PPM1E: variants seen among roughly 807,000 people sequenced by gnomAD.
PPM1E encodes protein phosphatase, Mg2+/Mn2+ dependent 1E.
Under a neutral mutation model 65.9 loss-of-function variants are expected in PPM1E, and 20 were observed. The observed-to-expected ratio is 0.30, with a 90% CI of 0.21 to 0.44. The LOEUF (loss-of-function observed/expected upper bound fraction) is 0.44. Among genes scored for constraint, PPM1E ranks in the 20% least tolerant of loss-of-function variants. The pLI, the probability that PPM1E is intolerant of heterozygous loss-of-function variation, is 1.00. For missense variants in PPM1E, 713 were observed against 953.1 expected, an observed-to-expected ratio of 0.75 and a Z score of 3.32; for synonymous variants, 352 against 374.9, an observed-to-expected ratio of 0.94 and a Z score of 0.70.
At chr17:58,790,762 T>C (rs893315179) in intron 1 of PPM1E, among the ~76,000 whole-genome samples, 2 of 152,172 alleles carry the variant, frequency 1.3e-5, no homozygotes, top group African/African-American at 4.8e-5. Context: ...GAGTGACCCA[T>C]TGTGAACATC....
chr17:58,910,521 T>A (rs373047989), intron 1 of PPM1E, among the ~76,000 whole-genome samples: 1 of 152,046 alleles, frequency 6.6e-6, no homozygotes, highest in South Asian at 2.1e-4. Flanking sequence ...CTTTTCAAAA[T>A]TTTTTTTGCT....
chr17:58,888,579 G>A (rs1319870532), intron 1 of PPM1E, among the ~76,000 whole-genome samples: 2 of 151,892 alleles, frequency 1.3e-5, no homozygotes, highest in Admixed American at 6.6e-5. Flanking sequence ...GGCCAGGCTG[G>A]TCTCAAACTC....
At chr17:58,883,257 C>G (rs983663344) in intron 1 of PPM1E, among the ~76,000 whole-genome samples, 3 of 151,752 alleles carry the variant, frequency 2.0e-5, no homozygotes, top group Non-Finnish European at 1.5e-5. Context: ...CGCGCCCGGC[C>G]TGTTATTACA....
intron 2 of PPM1E, among the ~76,000 whole-genome samples, chr17:58,960,561 G>A (rs945053707): frequency 1.1e-4 from 17 of 152,076 alleles, no homozygotes; most frequent in African/African-American, 4.1e-4. Flanking sequence ...CATCACTTGA[G>A]GTCAGGAGCT....
intron 1 of PPM1E, among the ~76,000 whole-genome samples, chr17:58,808,281 A>G (rs549678099): frequency 3.9e-5 from 6 of 152,098 alleles, no homozygotes; most frequent in Non-Finnish European, 7.4e-5. Context: ...ATGTTTGGCT[A>G]TTTCTGGTCA....
At chr17:58,764,051 T>C (rs1209475062) in intron 1 of PPM1E, among the ~76,000 whole-genome samples, 1 of 152,070 alleles carries the variant, frequency 6.6e-6, no homozygotes. Flanking sequence ...AAAAAACTTA[T>C]TTTAACTCAA....
intron 1 of PPM1E, among the ~76,000 whole-genome samples, chr17:58,812,360 C>T (rs896740478): frequency 7.9e-6 from 1 of 127,104 alleles, no homozygotes; most frequent in African/African-American, 3.0e-5. Flanking sequence ...GTCTGTTCAA[C>T]AACTGTATAA....
At chr17:58,901,629 T>C (rs998007366) in intron 1 of PPM1E, among the ~76,000 whole-genome samples, 7 of 151,932 alleles carry the variant, frequency 4.6e-5, no homozygotes, top group Admixed American at 4.6e-4. Flanking sequence ...GAGCCAAGAT[T>C]GCCCCGCTGC....
rs143971404 is a variant in PPM1E, at chr17:58,785,951, A to T, written c.464+29490A>T. Among the ~76,000 whole-genome samples the T allele has an allele frequency of 2.6e-3, 398 of 151,854 alleles. 3 individuals are homozygous for T. The highest frequency in any genetic ancestry group is 0.017 in the Middle Eastern group (5 of 294). ...TTGGGGGAAGATTCATTCTTACCAT[A>T]AATCTCAGCAACCTCAGCATATGAT... is the stretch of plus-strand genomic sequence containing the variant. On this transcript the variant is annotated intron_variant, in intron 1 of 6. Transcript: ENST00000308249.
chr17:58,982,257 ACTGT>A lies in PPM1E; in HGVS notation c.*1230_*1233del, dbSNP rs2031400229. 1 of 152,514 alleles carries A rather than the reference ACTGT, an allele frequency of 6.6e-6. No individual in the cohort carries two copies. Among genetic ancestry groups the A allele is most frequent in the Non-Finnish European group, 1.5e-5 (1 of 68,056 alleles). The allele number at this position is 152,514 out of a possible 1,614,324, so 9.4% of individuals were successfully genotyped here. ...ATTTAGTTATATTTGATATTTTGAAACTGTCTGCTTTTTGCTATTTCTGCAGTTT... is the reference window on the plus strand; with the variant it reads ...ATTTAGTTATATTTGATATTTTGAAACTGCTTTTTGCTATTTCTGCAGTTT... On this transcript the variant is annotated 3_prime_UTR_variant, in exon 7 of 7. Transcript: ENST00000308249.
chr17:58,810,878 G>A (rs994682578), intron 1 of PPM1E, among the ~76,000 whole-genome samples: 1 of 151,704 alleles, frequency 6.6e-6, no homozygotes, highest in Admixed American at 6.6e-5. Flanking sequence ...TTTTTTTTGA[G>A]ACAGAGCCTT....
At chr17:58,766,196 G>GTTTT (rs10604459) in intron 1 of PPM1E, among the ~76,000 whole-genome samples, 20 of 65,138 alleles carry the variant, frequency 3.1e-4, no homozygotes, top group South Asian at 6.0e-4. Flanking sequence ...TGTAATTTCT[G>GTTTT]TTTTTTTTTT....
In PPM1E at chr17:58,984,322, C is replaced by T. The variant is rs953818469; in HGVS notation, c.*3291C>T. The T allele has an allele frequency of 2.6e-5, 4 of 152,656 alleles. No individual in the cohort carries two copies. Among genetic ancestry groups the T allele is most frequent in the South Asian group, 2.1e-4 (1 of 4,838 alleles). 9.5% of individuals were successfully genotyped at this position (152,656 alleles called of 1,614,324 possible). The stretch of plus-strand genomic sequence containing the variant: ...AACACTGTGCCAGTGAGAAGTGCAA[C>T]ATCCAGTGGGCAGATGAAAATGATG... On this transcript the variant is annotated 3_prime_UTR_variant, in exon 7 of 7. Transcript: ENST00000308249.
chr17:58,835,320 C>CG (rs1277309928), intron 1 of PPM1E, among the ~76,000 whole-genome samples: 1 of 152,006 alleles, frequency 6.6e-6, no homozygotes, highest in Non-Finnish European at 1.5e-5. Context: ...ACTTCAGCCT[C>CG]GGTGACAGAG....
intron 1 of PPM1E, among the ~76,000 whole-genome samples, chr17:58,945,576 C>T (rs1326269420): frequency 6.6e-6 from 1 of 152,168 alleles, no homozygotes; most frequent in African/African-American, 2.4e-5. Context: ...CAACAGATCC[C>T]ACAGGATAAC....
At chr17:58,867,066 C>T (rs2051013619) in intron 1 of PPM1E, among the ~76,000 whole-genome samples, 2 of 152,130 alleles carry the variant, frequency 1.3e-5, no homozygotes, top group African/African-American at 4.8e-5. Context: ...CTGCAACCTC[C>T]ATCTCCTGGG....
chr17:58,796,129 T>C (rs965114339), intron 1 of PPM1E, among the ~76,000 whole-genome samples: 3 of 152,234 alleles, frequency 2.0e-5, no homozygotes, highest in African/African-American at 7.2e-5. Flanking sequence ...CATGGCTCAC[T>C]GCAGCCATGA....
Position 58,805,993 on chromosome 17 carries a change from AAC to A in PPM1E, c.464+49534_464+49535del, listed in dbSNP as rs1422044883. Among the ~76,000 whole-genome samples, 32 of 120,710 alleles carry A rather than the reference AAC, an allele frequency of 2.7e-4. 1 individual carries two copies. The highest frequency in any genetic ancestry group is 8.7e-4 in the East Asian group (3 of 3,432). 79.2% of individuals were successfully genotyped at this position (120,710 alleles called of 152,430 possible). A position where few individuals can be genotyped will look rare whatever the true frequency, so the allele number is the denominator to read the frequency against. On this transcript the variant is annotated intron_variant, in intron 1 of 6. Transcript: ENST00000308249. ...AAAAAACAAAAAAAAAACAAAACAAAACAAAACAAAAAAAAAACTATATGTAG... is the reference window on the plus strand; with the variant it reads ...AAAAAACAAAAAAAAAACAAAACAAAAAAACAAAAAAAAAACTATATGTAG...
At chr17:58,861,427 T>C (rs959672644) in intron 1 of PPM1E, among the ~76,000 whole-genome samples, 4 of 152,210 alleles carry the variant, frequency 2.6e-5, no homozygotes, top group African/African-American at 9.6e-5. Context: ...CTACCTCAGA[T>C]GCTGTCTTTT....
Sources: gnomAD v4.1 joint callset for allele counts (sites outside exome capture counted in the v4.1 genomes callset) on GRCh38, gnomAD v4.1.1 for gene constraint, MANE v1.5 for transcripts, NCBI Gene and HGNC (gene_info 2026-07-23, HGNC 2026-07-21) for gene names.